Variants in PPP1R18 observed in about 807,000 individuals in gnomAD.
PPP1R18 encodes the protein protein phosphatase 1 regulatory subunit 18.
A neutral mutation model predicts 54.8 loss-of-function variants in PPP1R18; 31 were observed. The observed-to-expected ratio is 0.57, with a 90% CI of 0.43 to 0.76. The LOEUF (loss-of-function observed/expected upper bound fraction) is 0.76. Ranked by LOEUF, PPP1R18 falls within the 30% of genes least tolerant of loss-of-function variation. The pLI is 0.00. For missense variants in PPP1R18, 685 were observed against 776.1 expected (o/e 0.88, Z 1.39); for synonymous variants, 310 against 320.2 (o/e 0.97, Z 0.34).
intron 1 of PPP1R18, among the ~76,000 whole-genome samples, chr6:30,682,249 G>A (rs9262142): frequency 0.068 from 10,291 of 152,006 alleles, 540 homozygotes; most frequent in Non-Finnish European, 0.11. Flanking sequence ...GAGAGGGGGT[G>A]ACTCACTCGC....
At chr6:30,679,881 G>A (rs1770441009) in intron 1 of PPP1R18, among the ~76,000 whole-genome samples, 1 of 152,134 alleles carries the variant, frequency 6.6e-6, no homozygotes, top group African/African-American at 2.4e-5. Flanking sequence ...GCGAGTCTCA[G>A]ACAAAAGCAA....
In PPP1R18 at chr6:30,685,398, T is replaced by C. The variant is rs1770843399; in HGVS notation, c.621A>G (p.Ala207=). The change falls in exon 1 of 3, where the codon GCA becomes GCG. Residue 207 remains alanine, a synonymous_variant. Transcript: ENST00000274853. The surrounding 1 kb of genome is among the most constrained non-coding windows in gnomAD (Gnocchi z 5.0). Reference sequence around the variant, plus strand: ...TCCTGGGGCTTTGCTCTCGAGACTCTGCTAGTCTCAGACTCCGCTCTGGAG... The same window carrying C: ...TCCTGGGGCTTTGCTCTCGAGACTCCGCTAGTCTCAGACTCCGCTCTGGAG... The part of the protein sequence containing the change: ...GETPERSLRL[A]ESREQSPRRK... The C allele has an allele frequency of 1.9e-5, 30 of 1,613,054 alleles. No individual in the cohort carries two copies. The highest frequency in any genetic ancestry group is 2.5e-5 in the Non-Finnish European group (29 of 1,180,016).
chr6:30,681,160 CCCAGTATG>C (rs1476384667), intron 1 of PPP1R18, among the ~76,000 whole-genome samples: 1 of 151,750 alleles, frequency 6.6e-6, no homozygotes, highest in Non-Finnish European at 1.5e-5. Context: ...ACAGGGTGCT[CCCAGTATG>C]CCACCCTCCC....
Position 30,686,233 on chromosome 6 carries a change from T to G in PPP1R18, c.-215A>C. The G allele has an allele frequency of 1.9e-6, 1 of 519,136 alleles. No homozygotes were observed. 32.2% of individuals were successfully genotyped at this position (519,136 alleles called of 1,614,324 possible). On this transcript the variant is annotated 5_prime_UTR_variant, in exon 1 of 3. Transcript: ENST00000274853. ...GGGAAATGGAAAAAGTGAAGAGAAG[T>G]TGTGAGCCCAAGTTGGGGGTGGTGG...
intron 1 of PPP1R18, among the ~76,000 whole-genome samples, chr6:30,680,266 C>T (rs921271079): frequency 8.5e-5 from 13 of 152,166 alleles, no homozygotes; most frequent in Non-Finnish European, 1.6e-4. Context: ...TTCTCACTGC[C>T]TTTCTACCCT....
chr6:30,685,684 C>G lies in PPP1R18; in HGVS notation c.335G>C (p.Arg112Thr). The change falls in exon 1 of 3, where the codon AGA becomes ACA. Residue 112 changes from arginine (R) to threonine (T), a missense_variant. Physicochemically the swap from Arg to Thr is moderately conservative, Grantham distance 71. Transcript: ENST00000274853. This position sits in a 1 kb window ranked among gnomAD's most constrained non-coding sequence, Gnocchi z 5.0. The part of the protein sequence containing the change: ...QQRSEELLAE[R>T]KPGPLEARER... ...CCGGGCCTCCAGAGGCCCAGGCTTT[C>G]TCTCTGCTAGCAGCTCTTCACTCCG... is the stretch of plus-strand genomic sequence containing the variant. 2 of 1,613,136 alleles carry G rather than the reference C, an allele frequency of 1.2e-6. No homozygotes were observed. The highest frequency in any genetic ancestry group is 1.7e-6 in the Non-Finnish European group (2 of 1,180,046).
chr6:30,679,363 G>A lies in PPP1R18; in HGVS notation c.1638C>T (p.Ala546=). ...KQLKISFSET[A]LETTYQYPSE... is the part of the protein sequence containing the mutation. ...AGGGGTATTGGTACGTGGTCTCCAGGGCTGTCTCGCTGAAGGAGATCTTAA... is the reference window on the plus strand; with the variant it reads ...AGGGGTATTGGTACGTGGTCTCCAGAGCTGTCTCGCTGAAGGAGATCTTAA... Residue 546 remains alanine (A), a synonymous_variant, in exon 2 of 3, where the codon GCC becomes GCT. Transcript: ENST00000274853. 6.3e-7 allele frequency: 1 copy of A among 1,587,532 alleles called. No individual in the cohort carries two copies. The highest frequency in any genetic ancestry group is 8.6e-7 in the Non-Finnish European group (1 of 1,168,082).
Position 30,676,635 on chromosome 6 carries a change from T to G in PPP1R18, c.*634A>C. ...AAGGCAAAGTAATACTGAGAAAAAG[T>G]GGAGGAAGCCACACCTTCAGGTCAC... On this transcript the variant is annotated 3_prime_UTR_variant, in exon 3 of 3. Transcript: ENST00000274853. 6.2e-6 allele frequency: 1 copy of G among 160,260 alleles called. No homozygotes were observed. Among genetic ancestry groups the G allele is most frequent in the Non-Finnish European group, 1.4e-5 (1 of 73,428 alleles). 9.9% of individuals were successfully genotyped at this position (160,260 alleles called of 1,614,324 possible). A position where few individuals can be genotyped will look rare whatever the true frequency, so the allele number is the denominator to read the frequency against.
At chr6:30,678,198 A>G (rs1770309371) in intron 2 of PPP1R18, among the ~76,000 whole-genome samples, 1 of 151,826 alleles carries the variant, frequency 6.6e-6, no homozygotes, top group Admixed American at 6.6e-5. Flanking sequence ...GGCGTGAGCC[A>G]CCGTGCCTGG....
chr6:30,685,264 C>A lies in PPP1R18; in HGVS notation c.755G>T (p.Ser252Ile). Residue 252 changes from serine (S) to isoleucine (I), a missense_variant, in exon 1 of 3, where the codon AGT becomes ATT. Physicochemically the swap from Ser to Ile is moderately radical, Grantham distance 142. Transcript: ENST00000274853. The surrounding 1 kb of genome is among the most constrained non-coding windows in gnomAD (Gnocchi z 5.0). ...CTCTGTTGCCTCCAGTTGTACCAAACTCTGTTCCTGAGACTCTCTGGAGTC... is the reference window on the plus strand; with the variant it reads ...CTCTGTTGCCTCCAGTTGTACCAAAATCTGTTCCTGAGACTCTCTGGAGTC... Reference protein sequence around the residue: ...RPDSRESQEQSLVQLEATEWR... With the variant: ...RPDSRESQEQILVQLEATEWR... 2.5e-6 allele frequency: 4 copies of A among 1,613,104 alleles called. No individual in the cohort carries two copies. The highest frequency in any genetic ancestry group is 3.4e-6 in the Non-Finnish European group (4 of 1,180,036).
chr6:30,684,488 C>T lies in PPP1R18; in HGVS notation c.1531G>A (p.Glu511Lys). Residue 511 changes from glutamate (E) to lysine (K), a missense_variant, in exon 1 of 3, where the codon GAG (glutamate) becomes AAG (lysine). Physicochemically the swap from Glu to Lys is moderately conservative, Grantham distance 56. Transcript: ENST00000274853. This position sits in a 1 kb window ranked among gnomAD's most constrained non-coding sequence, Gnocchi z 6.0. ...AGKKRYPTAE[E>K]ILVLGGYLRL... ...AGGTAGCCCCCCAGAACCAAGATCT[C>T]CTCGGCAGTTGGGTACCGCTTCTTC... 1 of 1,612,126 alleles carries T rather than the reference C, an allele frequency of 6.2e-7. No individual in the cohort carries two copies. Among genetic ancestry groups the T allele is most frequent in the African/African-American group, 1.3e-5 (1 of 75,038 alleles).
chr6:30,677,002 G>A lies in PPP1R18; in HGVS notation c.*267C>T. ...ATCTCCACCCTCCAGGGAGTTCTGT[G>A]CCCCTTCTCAGGACTTGGCGCTCAC... On this transcript the variant is annotated 3_prime_UTR_variant, in exon 3 of 3. Coordinates refer to ENST00000274853, the MANE Select transcript of PPP1R18 (RefSeq NM_133471.4). 1 of 626,704 alleles carries A rather than the reference G, an allele frequency of 1.6e-6. No homozygotes were observed. The highest frequency in any genetic ancestry group is 2.9e-6 in the Non-Finnish European group (1 of 350,108). 38.8% of individuals were successfully genotyped at this position (626,704 alleles called of 1,614,324 possible). A position where few individuals can be genotyped will look rare whatever the true frequency, so the allele number is the denominator to read the frequency against.
chr6:30,685,045 C>A lies in PPP1R18; in HGVS notation c.974G>T (p.Gly325Val). The change falls in exon 1 of 3, where the codon GGC (glycine) becomes GTC (valine). Residue 325 changes from glycine (G) to valine (V), a missense_variant. By Grantham distance (109) the Gly-to-Val change is moderately radical. Coordinates refer to ENST00000274853, the MANE Select transcript of PPP1R18 (RefSeq NM_133471.4). This position sits in a 1 kb window ranked among gnomAD's most constrained non-coding sequence, Gnocchi z 5.0. ...EQRPVEDGERGMKPTEGWKWT... is the reference protein window; with the variant it reads ...EQRPVEDGERVMKPTEGWKWT... ...TTTCCACCCTTCTGTTGGCTTCATGCCCCTCTCGCCATCTTCCACAGGCCT... is the reference window on the plus strand; with the variant it reads ...TTTCCACCCTTCTGTTGGCTTCATGACCCTCTCGCCATCTTCCACAGGCCT... 2 of 1,613,274 alleles carry A rather than the reference C, an allele frequency of 1.2e-6. No individual in the cohort carries two copies. The highest frequency in any genetic ancestry group is 1.7e-6 in the Non-Finnish European group (2 of 1,180,038).
In PPP1R18 at chr6:30,683,925, C is replaced by A. The variant is rs1770701662; in HGVS notation, c.1611+483G>T. On this transcript the variant is annotated intron_variant, in intron 1 of 2. Transcript: ENST00000274853. The surrounding 1 kb of genome is among the most constrained non-coding windows in gnomAD (Gnocchi z 5.1). ...ACCTTTCTCCATTCACTTCTCCCTG[C>A]AGTTTCTCCCTAGAACACAAACCCA... 6.6e-6 allele frequency among the ~76,000 whole-genome samples: 1 copy of A among 152,110 alleles called. No individual in the cohort carries two copies. The highest frequency in any genetic ancestry group is 2.1e-4 in the South Asian group (1 of 4,828).
Position 30,686,208 on chromosome 6 carries a change from G to A in PPP1R18, c.-190C>T. On this transcript the variant is annotated 5_prime_UTR_variant, in exon 1 of 3. Coordinates refer to ENST00000274853, the MANE Select transcript of PPP1R18 (RefSeq NM_133471.4). ...GGGAAAGACGGAAGGCAGAGAACTG[G>A]GGAAATGGAAAAAGTGAAGAGAAGT... 1.8e-6 allele frequency: 1 copy of A among 570,994 alleles called. No individual in the cohort carries two copies. Among genetic ancestry groups the A allele is most frequent in the Non-Finnish European group, 3.0e-6 (1 of 333,532 alleles). 35.4% of individuals were successfully genotyped at this position (570,994 alleles called of 1,614,324 possible). A position where few individuals can be genotyped will look rare whatever the true frequency, so the allele number is the denominator to read the frequency against.
At chr6:30,680,919 C>T (rs1770511409) in intron 1 of PPP1R18, among the ~76,000 whole-genome samples, 1 of 151,688 alleles carries the variant, frequency 6.6e-6, no homozygotes, top group African/African-American at 2.4e-5. Context: ...CCTGTCTCTA[C>T]TAAAAATACA....
In PPP1R18 at chr6:30,683,901, C is replaced by G. The variant is rs531658777; in HGVS notation, c.1611+507G>C. Among the ~76,000 whole-genome samples, 1 of 152,208 alleles carries G rather than the reference C, an allele frequency of 6.6e-6. No individual in the cohort carries two copies. The highest frequency in any genetic ancestry group is 1.5e-5 in the Non-Finnish European group (1 of 68,002). Reference sequence around the variant, plus strand: ...CCCTCCTTCCCACGGGGCAGTTGGACCTTTCTCCATTCACTTCTCCCTGCA... The same window carrying G: ...CCCTCCTTCCCACGGGGCAGTTGGAGCTTTCTCCATTCACTTCTCCCTGCA... On this transcript the variant is annotated intron_variant, in intron 1 of 2. Coordinates refer to ENST00000274853, the MANE Select transcript of PPP1R18 (RefSeq NM_133471.4). This position sits in a 1 kb window ranked among gnomAD's most constrained non-coding sequence, Gnocchi z 5.1.
At chr6:30,679,848 G>A (rs1463174274) in intron 1 of PPP1R18, among the ~76,000 whole-genome samples, 4 of 152,200 alleles carry the variant, frequency 2.6e-5, no homozygotes, top group African/African-American at 9.7e-5. Context: ...AGACTGGCCA[G>A]TGGGGAAAGA....
chr6:30,679,501 T>G, intron 1 of PPP1R18, 112 bp from the exon 2 acceptor site: 13 of 125,008 alleles, frequency 1.0e-4, no homozygotes, highest in East Asian at 3.0e-4. Flanking sequence ...AGGGAGCAGG[T>G]GGGACTGGCG....
Sources: gnomAD v4.1 joint callset for allele counts (sites outside exome capture counted in the v4.1 genomes callset) on GRCh38, gnomAD v4.1.1 for gene constraint, Gnocchi (gnomAD v3.1) non-coding constraint, MANE v1.5 for transcripts, NCBI Gene and HGNC (gene_info 2026-07-23, HGNC 2026-07-21) for gene names.